The following PCCB variants were observed in gnomAD, a reference collection of about 807,000 sequenced individuals.
PCCB encodes the protein propionyl-CoA carboxylase beta chain, mitochondrial.
Under a neutral mutation model 60.7 loss-of-function variants are expected in PCCB, and 43 were observed. That is an observed-to-expected ratio of 0.71 (90% CI 0.55 to 0.91). The LOEUF is 0.91. PCCB is among the 40% of genes least tolerant of loss of function. The pLI, the probability that PCCB is intolerant of heterozygous loss-of-function variation, is 0.00. For missense variants in PCCB, 766 were observed against 702.8 expected (o/e 1.09, Z -1.02); for synonymous variants, 276 against 255.9 (o/e 1.08, Z -0.75).
At chr3:136,294,958 G>A (rs1017665412) in intron 7 of PCCB, among the ~76,000 whole-genome samples, 1 of 152,186 alleles carries the variant, frequency 6.6e-6, no homozygotes, top group Non-Finnish European at 1.5e-5. Context: ...AGTTTAAAAT[G>A]TATAAAGATT....
intron 9 of PCCB, among the ~76,000 whole-genome samples, chr3:136,301,730 A>G (rs139759409): frequency 6.6e-6 from 1 of 152,204 alleles, no homozygotes; most frequent in East Asian, 1.9e-4. Flanking sequence ...TCTAGAAGTC[A>G]GATTCTCCCT....
At chr3:136,252,981 G>T (rs1941558561) in intron 1 of PCCB, among the ~76,000 whole-genome samples, 1 of 147,124 alleles carries the variant, frequency 6.8e-6, no homozygotes, top group Non-Finnish European at 1.5e-5. Flanking sequence ...CCAATTTGAG[G>T]TATTTTTTGT....
intron 2 of PCCB, 185 bp downstream of exon 2, chr3:136,256,160 C>T (rs1380813348): frequency 1.3e-5 from 11 of 824,594 alleles, no homozygotes; most frequent in South Asian, 1.7e-5. Flanking sequence ...TCAGGCTGGC[C>T]TTGAACTCCT....
At chr3:136,297,218 G>C (rs751465178) in intron 7 of PCCB, among the ~76,000 whole-genome samples, 2 of 152,160 alleles carry the variant, frequency 1.3e-5, no homozygotes, top group Non-Finnish European at 2.9e-5. Flanking sequence ...TGACTGGCCC[G>C]ATCAGTGAAC....
chr3:136,300,763 A>G (rs1934239610), intron 8 of PCCB, among the ~76,000 whole-genome samples: 1 of 152,238 alleles, frequency 6.6e-6, no homozygotes, highest in Admixed American at 6.5e-5. Flanking sequence ...CAGAGAAGAT[A>G]AATGAAAGAA....
In PCCB at chr3:136,261,525, A is replaced by C. The variant is rs1941824744; in HGVS notation, c.430-427A>C. ...GAAAATCTGTCACATTAGAAGTAAA[A>C]GCAGGCCCGGGCCTGCCCTCAGATT... is the stretch of plus-strand genomic sequence containing the variant. On this transcript the variant is annotated intron_variant, in intron 4 of 14. Coordinates refer to ENST00000251654, the MANE Select transcript of PCCB (RefSeq NM_000532.5). Among the ~76,000 whole-genome samples the C allele has an allele frequency of 2.0e-5, 3 of 152,232 alleles. No homozygotes were observed. In the South Asian group the frequency reaches 6.2e-4, roughly 31 times the overall value.
Position 136,326,495 on chromosome 3 carries a change from T to C in PCCB, c.1091-308T>C. ...CTGAGGACTCTCTAAGACCAGCCCT[T>C]GAATGCTGCCTCCCACTGATGGCTC... On this transcript the variant is annotated intron_variant, in intron 10 of 14. Coordinates refer to ENST00000251654, the MANE Select transcript of PCCB (RefSeq NM_000532.5). 8 of 667,804 alleles carry C rather than the reference T, an allele frequency of 1.2e-5. 1 individual carries two copies. In the South Asian group the frequency reaches 1.3e-4, roughly 11 times the overall value. 41.4% of individuals were successfully genotyped at this position (667,804 alleles called of 1,614,324 possible). A position where few individuals can be genotyped will look rare whatever the true frequency, so the allele number is the denominator to read the frequency against.
rs115150327 is a variant in PCCB at position 136,276,958 on chromosome 3, C to G, written c.544-6879C>G. Among the ~76,000 whole-genome samples, 1,065 of 152,244 alleles carry G rather than the reference C, an allele frequency of 7.0e-3. 15 individuals are homozygous for G. Among genetic ancestry groups the G allele is most frequent in the African/African-American group, 0.024 (984 of 41,558 alleles). ...CTTAGGAGTAAGAATTCCTGAGAGC[C>G]AGGATAAGTTGATTGCTATTCTTCT... On this transcript the variant is annotated intron_variant, in intron 5 of 14. Coordinates refer to ENST00000251654, the MANE Select transcript of PCCB (RefSeq NM_000532.5).
rs145135400 is a variant in PCCB at position 136,327,686 on chromosome 3, C to A, written c.1352C>A (p.Thr451Asn). Residue 451 changes from threonine (T) to asparagine (N), a missense_variant, in exon 13 of 15, where the codon ACC (threonine) becomes AAC (asparagine). Thr to Asn is a moderately conservative substitution (Grantham distance 65). Transcript: ENST00000251654. ...AGCTCTAAGCACCTTTGTGGTGATA[C>A]CAACTATGCCTGGCCCACCGCAGAG... ...VMSSKHLCGD[T>N]NYAWPTAEIA... 1 of 1,613,926 alleles carries A rather than the reference C, an allele frequency of 6.2e-7. No individual in the cohort carries two copies.
chr3:136,265,568 C>G (rs1013378529), intron 5 of PCCB, among the ~76,000 whole-genome samples: 2 of 152,120 alleles, frequency 1.3e-5, no homozygotes, highest in Non-Finnish European at 2.9e-5. Flanking sequence ...TGGATTGTTT[C>G]TGGTTCCTGG....
intron 1 of PCCB, chr3:136,255,448 A>G (rs767536385): frequency 3.5e-5 from 10 of 286,744 alleles, no homozygotes; most frequent in Non-Finnish European, 6.8e-5. Flanking sequence ...TCTCCCTAGA[A>G]AAAACCTGTG....
At chr3:136,310,161 C>T (rs560695727) in intron 9 of PCCB, among the ~76,000 whole-genome samples, 3 of 151,812 alleles carry the variant, frequency 2.0e-5, no homozygotes, top group East Asian at 2.0e-4. Flanking sequence ...GTCGGGAGTT[C>T]GAGACCAGCC....
intron 6 of PCCB, among the ~76,000 whole-genome samples, chr3:136,291,877 A>T (rs188224346): frequency 3.9e-5 from 6 of 152,298 alleles, no homozygotes; most frequent in Non-Finnish European, 5.9e-5. Flanking sequence ...GGTAAAACTC[A>T]CAAAAGTGTG....
chr3:136,252,662 ATT>A (rs962722858), intron 1 of PCCB, among the ~76,000 whole-genome samples: 20 of 120,868 alleles, frequency 1.7e-4, no homozygotes, highest in Admixed American at 3.4e-4. Context: ...TACCCAGCTA[ATT>A]TTTTTTTTTT....
At chr3:136,304,939 C>T (rs1213987411) in intron 9 of PCCB, among the ~76,000 whole-genome samples, 1 of 121,358 alleles carries the variant, frequency 8.2e-6, no homozygotes, top group Non-Finnish European at 1.8e-5. Flanking sequence ...ATCCGCCTGC[C>T]TCGGCCTCCC....
Position 136,250,461 on chromosome 3 carries a change from G to T in PCCB, c.86G>T (p.Cys29Phe), listed in dbSNP as rs765843410. The part of the protein sequence containing the change: ...SGLRAAVRSL[C>F]SQATSVNERI... ...CTCCGCGCCGCGGTCCGCAGCCTTT[G>T]CAGCCAGGCCACCTCTGTTAACGAA... Residue 29 changes from cysteine (C) to phenylalanine (F), a missense_variant, in exon 1 of 15, where the codon TGC (cysteine) becomes TTC (phenylalanine). Transcript: ENST00000251654. 1.2e-6 allele frequency: 2 copies of T among 1,609,666 alleles called. No homozygotes were observed. The highest frequency in any genetic ancestry group is 2.7e-5 in the African/African-American group (2 of 74,890).
At chr3:136,281,904 T>C (rs9843801) in intron 5 of PCCB, among the ~76,000 whole-genome samples, 56,549 of 152,014 alleles carry the variant, frequency 0.37, 11,621 homozygotes, top group African/African-American at 0.55. Flanking sequence ...ACCAGCAATC[T>C]GACAGTAATT....
intron 5 of PCCB, among the ~76,000 whole-genome samples, chr3:136,270,569 G>A (rs1416407527): frequency 6.6e-6 from 1 of 151,990 alleles, no homozygotes; most frequent in African/African-American, 2.4e-5. Flanking sequence ...ACAATGGCGC[G>A]ATCTCGGCTC....
intron 5 of PCCB, among the ~76,000 whole-genome samples, chr3:136,264,526 CTT>C (rs1379050147): frequency 6.6e-6 from 1 of 150,750 alleles, no homozygotes; most frequent in African/African-American, 2.4e-5. Context: ...TCTTTTTAAT[CTT>C]TTTTGATCTG....
Sources: allele counts gnomAD v4.1 joint callset (sites outside exome capture counted in the v4.1 genomes callset), GRCh38; gene constraint gnomAD v4.1.1; transcripts MANE v1.5; gene names NCBI Gene and HGNC (gene_info 2026-07-23, HGNC 2026-07-21).